UVRAG: variants seen among roughly 807,000 people sequenced by gnomAD.
UVRAG encodes UV radiation resistance associated, also known as UV radiation resistance-associated gene protein.
UVRAG carries 19 observed loss-of-function variants against 78.0 expected under a neutral mutation model. The ratio of observed to expected loss-of-function variants is 0.24; its 90% CI spans 0.17 to 0.36. The LOEUF (loss-of-function observed/expected upper bound fraction) is 0.36, where lower values mean the gene tolerates loss of function less well. UVRAG is among the 10% of genes least tolerant of loss of function. The pLI is 1.00. For missense variants in UVRAG, 740 were observed against 853.8 expected (o/e 0.87, Z 1.66); for synonymous variants, 323 against 324.6 (o/e 1.00, Z 0.05).
At chr11:75,951,325 A>ATGTGTGTG (rs71036071) in intron 6 of UVRAG, among the ~76,000 whole-genome samples, 2 of 149,484 alleles carry the variant, frequency 1.3e-5, no homozygotes, top group East Asian at 2.0e-4. Flanking sequence ...ATAATCTGAA[A>ATGTGTGTG]TGTGTGTGTG....
intron 1 of UVRAG, among the ~76,000 whole-genome samples, chr11:75,844,231 T>C (rs1945983118): frequency 6.6e-6 from 1 of 151,878 alleles, no homozygotes; most frequent in South Asian, 2.1e-4. Context: ...CTTTTTCTTT[T>C]TTTCTTTTTT....
At chr11:76,016,575 A>G (rs1387868603) in intron 11 of UVRAG, among the ~76,000 whole-genome samples, 2 of 152,186 alleles carry the variant, frequency 1.3e-5, no homozygotes, top group African/African-American at 4.8e-5. Flanking sequence ...TAAGGTATAT[A>G]TCAAATGTTA....
intron 1 of UVRAG, among the ~76,000 whole-genome samples, chr11:75,834,126 C>T (rs573405028): frequency 6.6e-6 from 1 of 152,264 alleles, no homozygotes; most frequent in Admixed American, 6.5e-5. Context: ...AAATTTTCCT[C>T]CTCCAGTTCA....
chr11:75,830,286 T>A (rs1348112948), intron 1 of UVRAG, among the ~76,000 whole-genome samples: 1 of 152,172 alleles, frequency 6.6e-6, no homozygotes, highest in Non-Finnish European at 1.5e-5. Flanking sequence ...GTATTCTTTT[T>A]TTTTTGAGAC....
chr11:75,866,375 A>G (rs977252924), intron 3 of UVRAG, among the ~76,000 whole-genome samples: 1 of 139,892 alleles, frequency 7.1e-6, no homozygotes, highest in Non-Finnish European at 1.5e-5. Flanking sequence ...AAATAAATAA[A>G]TAAATAAAAT....
chr11:75,994,006 C>T (rs1949660329), intron 8 of UVRAG, among the ~76,000 whole-genome samples: 1 of 152,154 alleles, frequency 6.6e-6, no homozygotes, highest in Admixed American at 6.5e-5. Flanking sequence ...GGCATTAAGC[C>T]ATTTGTGAGG....
At chr11:75,842,051 A>G (rs1051463827) in intron 1 of UVRAG, among the ~76,000 whole-genome samples, 2 of 152,112 alleles carry the variant, frequency 1.3e-5, no homozygotes, top group African/African-American at 4.8e-5. Context: ...TGTGGAGAAC[A>G]CCTATGAAGC....
intron 12 of UVRAG, among the ~76,000 whole-genome samples, chr11:76,033,586 TA>T (rs1950476495): frequency 6.6e-6 from 1 of 152,186 alleles, no homozygotes; most frequent in Non-Finnish European, 1.5e-5. Context: ...TCATAGCTTT[TA>T]GATTAACTAA....
At chr11:75,897,994 G>A (rs371409346) in intron 5 of UVRAG, among the ~76,000 whole-genome samples, 5 of 146,854 alleles carry the variant, frequency 3.4e-5, no homozygotes, top group East Asian at 2.1e-4. Context: ...TCAGCCTCCC[G>A]AGTGGCTGGG....
At chr11:75,994,219 A>C (rs1475790062) in intron 8 of UVRAG, among the ~76,000 whole-genome samples, 1 of 152,226 alleles carries the variant, frequency 6.6e-6, no homozygotes, top group Admixed American at 6.5e-5. Context: ...TTGTGGGAAG[A>C]AGCTACTTTT....
chr11:75,923,990 T>C (rs1180348429), intron 6 of UVRAG, among the ~76,000 whole-genome samples: 1 of 152,198 alleles, frequency 6.6e-6, no homozygotes, highest in African/African-American at 2.4e-5. Flanking sequence ...TAAAACAAAA[T>C]ATTTCAGATA....
At chr11:76,117,829 G>C (rs1952210287) in intron 14 of UVRAG, among the ~76,000 whole-genome samples, 1 of 152,186 alleles carries the variant, frequency 6.6e-6, no homozygotes, top group Non-Finnish European at 1.5e-5. Context: ...CTCCTCCTCT[G>C]AGAGAGTGAG....
intron 13 of UVRAG, 87 bp downstream of exon 13, chr11:76,065,875 A>C (rs534983682): frequency 8.5e-7 from 1 of 1,181,808 alleles, no homozygotes; most frequent in Non-Finnish European, 1.2e-6. Flanking sequence ...ATAAATATGC[A>C]CTGCAGTTGA....
At chr11:76,080,974 C>A (rs1460670767) in intron 13 of UVRAG, among the ~76,000 whole-genome samples, 1 of 152,178 alleles carries the variant, frequency 6.6e-6, no homozygotes, top group Non-Finnish European at 1.5e-5. Context: ...TTCACAAATT[C>A]CGTTGTAAAA....
At chr11:75,898,248 A>G (rs953722327) in intron 5 of UVRAG, among the ~76,000 whole-genome samples, 1 of 152,160 alleles carries the variant, frequency 6.6e-6, no homozygotes, top group Non-Finnish European at 1.5e-5. Context: ...AGGTAGGGCC[A>G]ATTTATCATT....
intron 6 of UVRAG, among the ~76,000 whole-genome samples, chr11:75,918,461 C>T (rs990726472): frequency 4.5e-4 from 68 of 151,848 alleles, no homozygotes; most frequent in African/African-American, 1.4e-3. Flanking sequence ...GGAGAAAGTT[C>T]ACACTTCTTA....
chr11:75,881,355 G>A (rs1180237922), intron 4 of UVRAG, among the ~76,000 whole-genome samples: 1 of 152,166 alleles, frequency 6.6e-6, no homozygotes, highest in African/African-American at 2.4e-5. Flanking sequence ...GGAAAGGCAG[G>A]ACAACTTGAA....
intron 8 of UVRAG, among the ~76,000 whole-genome samples, chr11:75,994,057 C>T (rs1949661265): frequency 6.6e-6 from 1 of 152,188 alleles, no homozygotes. Context: ...TATTCCTCCC[C>T]TCCAACATTG....
intron 12 of UVRAG, among the ~76,000 whole-genome samples, chr11:76,058,455 C>T (rs890616232): frequency 1.3e-5 from 2 of 150,866 alleles, no homozygotes; most frequent in African/African-American, 4.9e-5. Flanking sequence ...ATTCCTTGTG[C>T]CCGGGAGGTC....
Sources: gnomAD v4.1 joint callset for allele counts (sites outside exome capture counted in the v4.1 genomes callset) on GRCh38, gnomAD v4.1.1 for gene constraint, MANE v1.5 for transcripts, NCBI Gene and HGNC (gene_info 2026-07-23, HGNC 2026-07-21) for gene names.